The following TMEM245 variants were observed in gnomAD, a reference collection of about 807,000 sequenced individuals.
The protein encoded by TMEM245 is transmembrane protein 245, also known as protein CG-2.
In TMEM245, 69 loss-of-function variants were observed where a neutral mutation model predicts 101.2. The ratio of observed to expected loss-of-function variants is 0.68; its 90% CI spans 0.56 to 0.83. The LOEUF is 0.83. Ranked by LOEUF, TMEM245 falls within the 40% of genes least tolerant of loss-of-function variation. The probability of loss-of-function intolerance (pLI) is 0.00; values close to 1 mark genes in which losing one functional copy is unlikely to be tolerated. For synonymous variants in TMEM245, 537 were observed against 449.8 expected, an observed-to-expected ratio of 1.19 and a Z score of -2.45; for missense variants, 1,075 against 1,092.8, an observed-to-expected ratio of 0.98 and a Z score of 0.23.
intron 14 of TMEM245, among the ~76,000 whole-genome samples, chr9:109,043,822 C>T (rs905267907): frequency 2.6e-5 from 4 of 152,282 alleles, no homozygotes; most frequent in African/African-American, 9.6e-5. Flanking sequence ...AGCAGGATTC[C>T]TGTCCATTGG....
intron 12 of TMEM245, among the ~76,000 whole-genome samples, chr9:109,052,408 C>G (rs1828712799): frequency 6.6e-6 from 1 of 152,234 alleles, no homozygotes; most frequent in Non-Finnish European, 1.5e-5. Context: ...TGGGGCAGAA[C>G]TCACAACATC....
intron 7 of TMEM245, 125 bp downstream of exon 7, chr9:109,085,870 GCT>G: frequency 9.8e-7 from 1 of 1,024,996 alleles, no homozygotes; most frequent in Non-Finnish European, 1.5e-6. Context: ...ACCTTCCATA[GCT>G]TATAATTAAA....
chr9:109,086,557 A>AT (rs1185434923), intron 6 of TMEM245, among the ~76,000 whole-genome samples: 12 of 152,154 alleles, frequency 7.9e-5, no homozygotes, highest in Admixed American at 7.2e-4. Flanking sequence ...GATTTTACAT[A>AT]TATTACCTCA....
chr9:109,102,451 T>C (rs2132621276), intron 3 of TMEM245, among the ~76,000 whole-genome samples: 1 of 152,336 alleles, frequency 6.6e-6, no homozygotes, highest in African/African-American at 2.4e-5. Flanking sequence ...ACAAGGTACC[T>C]GTACAAATAC....
intron 8 of TMEM245, among the ~76,000 whole-genome samples, chr9:109,074,665 T>C (rs538790802): frequency 1.3e-5 from 2 of 151,306 alleles, no homozygotes; most frequent in Non-Finnish European, 2.9e-5. Context: ...ACTGACGGTA[T>C]TTTTCCATGG....
At chr9:109,068,963 T>C (rs1391663144) in intron 9 of TMEM245, among the ~76,000 whole-genome samples, 1 of 152,162 alleles carries the variant, frequency 6.6e-6, no homozygotes, top group African/African-American at 2.4e-5. Flanking sequence ...ATAGCTGACA[T>C]GAAGCTACAT....
intron 12 of TMEM245, among the ~76,000 whole-genome samples, chr9:109,051,826 C>G (rs903531531): frequency 6.6e-6 from 1 of 152,186 alleles, no homozygotes; most frequent in South Asian, 2.1e-4. Context: ...GCCTAGCCCC[C>G]ACCCTTGCCA....
intron 14 of TMEM245, among the ~76,000 whole-genome samples, chr9:109,049,130 G>C (rs1828593381): frequency 6.6e-6 from 1 of 152,244 alleles, no homozygotes; most frequent in South Asian, 2.1e-4. Flanking sequence ...AGATCCTGCT[G>C]ATGGAAAGCT....
chr9:109,027,973 C>T (rs1285554641), intron 17 of TMEM245, among the ~76,000 whole-genome samples: 3 of 151,922 alleles, frequency 2.0e-5, no homozygotes, highest in Non-Finnish European at 4.4e-5. Context: ...TGACCCACCG[C>T]ACCCGGCCAT....
intron 17 of TMEM245, among the ~76,000 whole-genome samples, chr9:109,027,471 C>A (rs554042637): frequency 3.1e-4 from 47 of 152,302 alleles, no homozygotes; most frequent in Non-Finnish European, 2.9e-4. Flanking sequence ...GCTGTCCAGA[C>A]CTTTTCCTCC....
chr9:109,104,772 G>A (rs1003584962), intron 3 of TMEM245, among the ~76,000 whole-genome samples: 2 of 152,136 alleles, frequency 1.3e-5, no homozygotes, highest in African/African-American at 4.8e-5. Context: ...GGGTGCCAAG[G>A]CCATCTTCAA....
At chr9:109,108,625 C>A (rs1314353290) in intron 1 of TMEM245, 55 bp from the exon 2 acceptor site, 3 of 1,277,514 alleles carry the variant, frequency 2.3e-6, no homozygotes, top group Non-Finnish European at 3.3e-6. Flanking sequence ...AATGAACATA[C>A]AATTATACAA....
chr9:109,096,510 T>C (rs1830144905), intron 3 of TMEM245, among the ~76,000 whole-genome samples: 1 of 151,982 alleles, frequency 6.6e-6, no homozygotes, highest in African/African-American at 2.4e-5. Context: ...TGAGACTTTG[T>C]CTCAAAAATA....
chr9:109,092,096 G>GC (rs1830024465), intron 4 of TMEM245, among the ~76,000 whole-genome samples: 1 of 152,138 alleles, frequency 6.6e-6, no homozygotes, highest in African/African-American at 2.4e-5. Flanking sequence ...CATAGTTGTA[G>GC]CATGTTCTAC....
chr9:109,050,803 A>G (rs1828654852), intron 12 of TMEM245, 111 bp from the exon 13 acceptor site: 1 of 1,175,218 alleles, frequency 8.5e-7, no homozygotes, highest in African/African-American at 1.6e-5. Context: ...TGAAAAGCTA[A>G]GAACTGAGGA....
At chr9:109,058,534 C>T (rs1455399163) in intron 11 of TMEM245, among the ~76,000 whole-genome samples, 2 of 152,068 alleles carry the variant, frequency 1.3e-5, no homozygotes, top group Non-Finnish European at 2.9e-5. Flanking sequence ...CCGTTCAAGA[C>T]CAACCCAGGC....
At chr9:109,091,666 T>C (rs1456006280) in intron 4 of TMEM245, among the ~76,000 whole-genome samples, 2 of 152,066 alleles carry the variant, frequency 1.3e-5, no homozygotes, top group Admixed American at 6.5e-5. Context: ...TAAACATGAA[T>C]GAGATACAAA....
At chr9:109,086,536 A>C (rs1271180481) in intron 6 of TMEM245, among the ~76,000 whole-genome samples, 1 of 152,226 alleles carries the variant, frequency 6.6e-6, no homozygotes, top group Non-Finnish European at 1.5e-5. Context: ...TGTACCAGGC[A>C]ATAATCTAGG....
At chr9:109,081,039 C>A (rs2132522344) in intron 7 of TMEM245, 96 bp from the exon 8 acceptor site, 1 of 775,782 alleles carries the variant, frequency 1.3e-6, no homozygotes, top group African/African-American at 1.8e-5. Flanking sequence ...GGATCTCCAG[C>A]ATGGCAAAGC....
Sources: allele counts gnomAD v4.1 joint callset (sites outside exome capture counted in the v4.1 genomes callset), GRCh38; gene constraint gnomAD v4.1.1; transcripts MANE v1.5; gene names NCBI Gene and HGNC (gene_info 2026-07-23, HGNC 2026-07-21).